PTPRD: variants seen among roughly 807,000 people sequenced by gnomAD.
PTPRD encodes protein tyrosine phosphatase receptor type D, also known as receptor-type tyrosine-protein phosphatase delta.
In PTPRD, 34 loss-of-function variants were observed where a neutral mutation model predicts 214.5. The ratio of observed to expected loss-of-function variants is 0.16; its 90% CI spans 0.12 to 0.21. The LOEUF (loss-of-function observed/expected upper bound fraction) is 0.21. Ranked by LOEUF, PTPRD falls within the 10% of genes least tolerant of loss-of-function variation. PTPRD has a pLI of 1.00. For synonymous variants in PTPRD, 1,128 were observed against 845.7 expected (o/e 1.33, Z -5.79); for missense variants, 2,545 against 2,398.7 (o/e 1.06, Z -1.27).
At chr9:8,679,437 C>G (rs1434315752) in intron 12 of PTPRD, among the ~76,000 whole-genome samples, 1 of 152,172 alleles carries the variant, frequency 6.6e-6, no homozygotes, top group Non-Finnish European at 1.5e-5. Flanking sequence ...TATCTTTGCT[C>G]TCTCAGAGAA....
Position 8,929,917 on chromosome 9 carries a change from G to A in PTPRD, c.-104+88780C>T, listed in dbSNP as rs1303929652. 1.9e-4 allele frequency among the ~76,000 whole-genome samples: 15 copies of A among 79,062 alleles called. 2 individuals carry two copies. The highest frequency in any genetic ancestry group is 4.2e-4 in the Admixed American group (3 of 7,194). 51.9% of individuals were successfully genotyped at this position (79,062 alleles called of 152,430 possible). A position where few individuals can be genotyped will look rare whatever the true frequency, so the allele number is the denominator to read the frequency against. ...TATATATGTGTATATATATGTGTGTGTATATATATATGTGTATATATATAT... is the reference window on the plus strand; with the variant it reads ...TATATATGTGTATATATATGTGTGTATATATATATATGTGTATATATATAT... On this transcript the variant is annotated intron_variant, in intron 11 of 45. Transcript: ENST00000381196.
intron 2 of PTPRD, among the ~76,000 whole-genome samples, chr9:10,430,631 T>C (rs929278057): frequency 1.3e-5 from 2 of 151,918 alleles, no homozygotes; most frequent in Non-Finnish European, 2.9e-5. Context: ...CAACAACAAA[T>C]ACCTCCGTCA....
In PTPRD at chr9:8,498,906, G is replaced by T. The variant is rs1563850907; in HGVS notation, c.2322+741C>A. On this transcript the variant is annotated intron_variant, in intron 25 of 45. Coordinates refer to ENST00000381196, the MANE Select transcript of PTPRD (RefSeq NM_002839.4). ...CACCTCTAATTTATGAAAAATTTTG[G>T]AAATTTTCAATGCTCTGTTTTAAAC... is the stretch of plus-strand genomic sequence containing the variant. Among the ~76,000 whole-genome samples, 6 of 152,184 alleles carry T rather than the reference G, an allele frequency of 3.9e-5. No individual in the cohort carries two copies. In the South Asian group the frequency reaches 1.2e-3, roughly 32 times the overall value.
chr9:8,757,394 G>C (rs928241437), intron 11 of PTPRD, among the ~76,000 whole-genome samples: 1 of 152,006 alleles, frequency 6.6e-6, no homozygotes, highest in Non-Finnish European at 1.5e-5. Flanking sequence ...ATAAGATTTA[G>C]ATGTTGATAT....
At chr9:10,294,687 T>C (rs2154402455) in intron 3 of PTPRD, among the ~76,000 whole-genome samples, 1 of 152,064 alleles carries the variant, frequency 6.6e-6, no homozygotes, top group South Asian at 2.1e-4. Context: ...GATAAGCAAA[T>C]AGGCTCAGAA....
intron 3 of PTPRD, among the ~76,000 whole-genome samples, chr9:10,293,211 A>G (rs2095578357): frequency 6.6e-6 from 1 of 151,896 alleles, no homozygotes; most frequent in Non-Finnish European, 1.5e-5. Flanking sequence ...GTACACAACT[A>G]GAAAGTTCAA....
At chr9:8,986,326 T>A (rs553183428) in intron 11 of PTPRD, among the ~76,000 whole-genome samples, 1 of 152,048 alleles carries the variant, frequency 6.6e-6, no homozygotes, top group Non-Finnish European at 1.5e-5. Flanking sequence ...ATGGAAGTGA[T>A]GTAGAATCAT....
intron 5 of PTPRD, among the ~76,000 whole-genome samples, chr9:9,773,763 G>T (rs975466943): frequency 2.6e-5 from 4 of 152,138 alleles, no homozygotes; most frequent in African/African-American, 9.7e-5. Flanking sequence ...AGGTTGCCTG[G>T]AACATTCCAA....
At chr9:10,532,446 A>G (rs1392678392) in intron 2 of PTPRD, 1 of 102,970 alleles carries the variant, frequency 9.7e-6, no homozygotes, top group Admixed American at 1.3e-4. Context: ...TTCCTAAAAT[A>G]AATAAATAAA....
At chr9:9,454,950 A>C (rs2092778301) in intron 8 of PTPRD, among the ~76,000 whole-genome samples, 1 of 151,656 alleles carries the variant, frequency 6.6e-6, no homozygotes, top group Non-Finnish European at 1.5e-5. Flanking sequence ...TCATGGCCCA[A>C]GTGAGAAACT....
rs868712143 is a variant in PTPRD, at chr9:9,292,151, T to C, written c.-203+105298A>G. Among the ~76,000 whole-genome samples the C allele has an allele frequency of 5.4e-5, 8 of 148,904 alleles. No individual in the cohort carries two copies. The South Asian group carries it at 1.7e-3, about 32-fold the overall frequency. ...ATGGAAGGATCCTGAAAACGTTTCATTCTCCTTAGATACTCTGTAATGAAT... is the reference window on the plus strand; with the variant it reads ...ATGGAAGGATCCTGAAAACGTTTCACTCTCCTTAGATACTCTGTAATGAAT... On this transcript the variant is annotated intron_variant, in intron 9 of 45. Coordinates refer to ENST00000381196, the MANE Select transcript of PTPRD (RefSeq NM_002839.4).
chr9:9,695,173 G>A lies in PTPRD; in HGVS notation c.-287+39360C>T, dbSNP rs185155473. ...CTCAAGGGCTCTTTAGTCAGAAGTC[G>A]ATGAATCTTGCCAGGACTGGGTCCT... is the stretch of plus-strand genomic sequence containing the variant. On this transcript the variant is annotated intron_variant, in intron 7 of 45. Transcript: ENST00000381196. 3.9e-5 allele frequency among the ~76,000 whole-genome samples: 6 copies of A among 152,200 alleles called. No homozygotes were observed. The South Asian group carries it at 8.3e-4, about 21-fold the overall frequency.
At chr9:9,896,364 G>T (rs1017673849) in intron 5 of PTPRD, among the ~76,000 whole-genome samples, 1 of 151,942 alleles carries the variant, frequency 6.6e-6, no homozygotes, top group Non-Finnish European at 1.5e-5. Flanking sequence ...ATTTTTTTCA[G>T]CTTCAAATCA....
intron 11 of PTPRD, among the ~76,000 whole-genome samples, chr9:8,799,104 T>C (rs2096514638): frequency 3.3e-5 from 5 of 152,214 alleles, no homozygotes; most frequent in Admixed American, 3.3e-4. Flanking sequence ...TATGGTACTA[T>C]AATACTCTTT....
At chr9:8,318,027 CAAAAT>C in intron 45 of PTPRD, 85 bp from the exon 46 acceptor site, 2 of 1,270,074 alleles carry the variant, frequency 1.6e-6, no homozygotes, top group Non-Finnish European at 2.2e-6. Context: ...TATTGCATAA[CAAAAT>C]AACATCTATA....
intron 8 of PTPRD, among the ~76,000 whole-genome samples, chr9:9,506,273 G>A (rs10977827): frequency 0.1 from 15,107 of 151,164 alleles, 1,084 homozygotes; most frequent in East Asian, 0.29. Flanking sequence ...TTCATACTGA[G>A]GACAAAAGGA....
intron 3 of PTPRD, among the ~76,000 whole-genome samples, chr9:10,244,972 AT>A (rs2091840360): frequency 6.6e-6 from 1 of 152,160 alleles, no homozygotes; most frequent in Non-Finnish European, 1.5e-5. Flanking sequence ...TCATTTTCCC[AT>A]TTCTTAATCA....
intron 7 of PTPRD, among the ~76,000 whole-genome samples, chr9:9,641,229 T>C (rs147691860): frequency 5.9e-5 from 9 of 152,342 alleles, no homozygotes; most frequent in Non-Finnish European, 4.4e-5. Flanking sequence ...TCTTGAGTGT[T>C]GGCAAGGAAA....
At chr9:10,336,569 T>A (rs932857475) in intron 3 of PTPRD, among the ~76,000 whole-genome samples, 2 of 151,512 alleles carry the variant, frequency 1.3e-5, no homozygotes, top group South Asian at 2.1e-4. Context: ...GAAAAAGGAT[T>A]TGACAAAATC....
Sources: gnomAD v4.1 joint callset for allele counts (sites outside exome capture counted in the v4.1 genomes callset) on GRCh38, gnomAD v4.1.1 for gene constraint, MANE v1.5 for transcripts, NCBI Gene and HGNC (gene_info 2026-07-23, HGNC 2026-07-21) for gene names.